CHST9: variants seen among roughly 807,000 people sequenced by gnomAD.
CHST9 encodes the protein GalNAc-4-sulfotransferase 2.
In CHST9, 41 loss-of-function variants were observed where a neutral mutation model predicts 44.4. The ratio of observed to expected loss-of-function variants is 0.92; its 90% CI spans 0.72 to 1.20. The LOEUF (loss-of-function observed/expected upper bound fraction) is 1.20, where lower values mean the gene tolerates loss of function less well. CHST9 is among the 50% of genes most tolerant of loss of function. CHST9 has a pLI of 0.00. For synonymous variants in CHST9, 171 were observed against 178.4 expected (o/e 0.96, Z 0.33); for missense variants, 504 against 516.5 (o/e 0.98, Z 0.23).
At chr18:27,046,071 A>G (rs2057496509) in intron 3 of CHST9, among the ~76,000 whole-genome samples, 2 of 152,142 alleles carry the variant, frequency 1.3e-5, no homozygotes, top group Non-Finnish European at 2.9e-5. Context: ...TAGACACAAA[A>G]TTAGAAAAAA....
rs765744173 is a variant in CHST9 at position 26,926,974 on chromosome 18, G to A, written c.241-9624C>T. Among the ~76,000 whole-genome samples the A allele has an allele frequency of 5.4e-4, 82 of 152,094 alleles. 1 individual carries two copies. Among genetic ancestry groups the A allele is most frequent in the Non-Finnish European group, 2.4e-4 (16 of 68,012 alleles). On this transcript the variant is annotated intron_variant, in intron 5 of 5. Coordinates refer to ENST00000618847, the MANE Select transcript of CHST9 (RefSeq NM_031422.6). ...TGGGATATGGCTCTTTAATATTTCC[G>A]TGTATTTAGTTGTCTGAAATTAGTA...
intron 4 of CHST9, among the ~76,000 whole-genome samples, chr18:26,987,464 A>G (rs539909474): frequency 6.6e-6 from 1 of 152,306 alleles, no homozygotes; most frequent in East Asian, 1.9e-4. Flanking sequence ...AATAAACATA[A>G]AAAACCGAAA....
At chr18:27,120,359 G>T (rs1225100927) in intron 2 of CHST9, among the ~76,000 whole-genome samples, 1 of 152,134 alleles carries the variant, frequency 6.6e-6, no homozygotes, top group Admixed American at 6.5e-5. Flanking sequence ...AGTAATAACA[G>T]ATGTTATTTT....
At chr18:27,115,063 T>G (rs1290398157) in intron 2 of CHST9, among the ~76,000 whole-genome samples, 7 of 152,148 alleles carry the variant, frequency 4.6e-5, no homozygotes, top group African/African-American at 1.7e-4. Flanking sequence ...TTGCACTCAC[T>G]CTGTCCTGCT....
chr18:27,167,117 G>C (rs1028743902), intron 1 of CHST9, among the ~76,000 whole-genome samples: 2 of 152,186 alleles, frequency 1.3e-5, no homozygotes, highest in Admixed American at 6.5e-5. Context: ...TTTCTCTTAG[G>C]AATTTCATCT....
chr18:27,143,791 G>A (rs2058588569), intron 1 of CHST9, among the ~76,000 whole-genome samples: 1 of 151,894 alleles, frequency 6.6e-6, no homozygotes, highest in Non-Finnish European at 1.5e-5. Flanking sequence ...AGGGCCTCTT[G>A]GGGGATGGGG....
At chr18:27,182,552 C>A (rs1181802136) in intron 1 of CHST9, among the ~76,000 whole-genome samples, 3 of 152,128 alleles carry the variant, frequency 2.0e-5, no homozygotes, top group African/African-American at 7.2e-5. Flanking sequence ...TCCTAATGTG[C>A]TGGCTAGGCT....
intron 1 of CHST9, among the ~76,000 whole-genome samples, chr18:27,164,616 C>CT (rs2058775910): frequency 6.6e-6 from 1 of 152,122 alleles, no homozygotes; most frequent in Admixed American, 6.5e-5. Context: ...AGAGATCACT[C>CT]TGAGTACTTA....
At chr18:27,181,878 C>T (rs1335218162) in intron 1 of CHST9, among the ~76,000 whole-genome samples, 1 of 152,186 alleles carries the variant, frequency 6.6e-6, no homozygotes, top group Admixed American at 6.5e-5. Context: ...CAGGTTTGCT[C>T]ACTTCTGCCA....
chr18:27,149,871 T>C (rs1038821695), intron 1 of CHST9, among the ~76,000 whole-genome samples: 3 of 152,082 alleles, frequency 2.0e-5, no homozygotes, highest in African/African-American at 4.8e-5. Flanking sequence ...ACTTATTTCA[T>C]ATTCACTTGT....
At chr18:26,940,646 T>C (rs1466292063) in intron 5 of CHST9, among the ~76,000 whole-genome samples, 4 of 151,190 alleles carry the variant, frequency 2.6e-5, no homozygotes, top group Admixed American at 6.6e-5. Context: ...TTGGGAGAGG[T>C]CAACAGGAGA....
chr18:27,177,108 T>C (rs905717068), intron 1 of CHST9, among the ~76,000 whole-genome samples: 1 of 151,964 alleles, frequency 6.6e-6, no homozygotes, highest in Non-Finnish European at 1.5e-5. Flanking sequence ...AAATTCCTAA[T>C]TGAAAATAGA....
intron 4 of CHST9, among the ~76,000 whole-genome samples, chr18:27,010,492 G>A (rs2057070430): frequency 6.6e-6 from 1 of 152,156 alleles, no homozygotes; most frequent in Admixed American, 6.5e-5. Context: ...CAGGGCAAGT[G>A]CAATGGGAGG....
intron 2 of CHST9, among the ~76,000 whole-genome samples, chr18:27,092,629 G>T (rs1194817180): frequency 2.0e-5 from 3 of 152,154 alleles, no homozygotes; most frequent in African/African-American, 7.2e-5. Flanking sequence ...GTGTCCCAGA[G>T]ATTCTGGTAT....
At chr18:26,998,008 C>G (rs1416925799) in intron 4 of CHST9, among the ~76,000 whole-genome samples, 2 of 152,200 alleles carry the variant, frequency 1.3e-5, no homozygotes, top group African/African-American at 4.8e-5. Flanking sequence ...AATTTTGCAT[C>G]TTTTTTTGTT....
At chr18:27,103,643 T>C (rs1298576481) in intron 2 of CHST9, among the ~76,000 whole-genome samples, 2 of 152,212 alleles carry the variant, frequency 1.3e-5, no homozygotes, top group Non-Finnish European at 2.9e-5. Context: ...TCATTTACAA[T>C]CAATAAGGAT....
At chr18:27,156,109 A>T (rs556432673) in intron 1 of CHST9, among the ~76,000 whole-genome samples, 8 of 152,184 alleles carry the variant, frequency 5.3e-5, no homozygotes, top group African/African-American at 1.9e-4. Context: ...AACAAGTACA[A>T]GGAAAGGATT....
intron 2 of CHST9, among the ~76,000 whole-genome samples, chr18:27,101,678 A>C (rs533794894): frequency 6.6e-6 from 1 of 152,268 alleles, no homozygotes; most frequent in African/African-American, 2.4e-5. Flanking sequence ...AACTACTATA[A>C]ATGACATCTC....
chr18:26,919,016 A>G (rs1357197967), intron 5 of CHST9, among the ~76,000 whole-genome samples: 1 of 152,192 alleles, frequency 6.6e-6, no homozygotes, highest in Non-Finnish European at 1.5e-5. Context: ...CCTGTCTTAT[A>G]TGGTGGCAGG....
Sources: gnomAD v4.1 joint callset for allele counts (sites outside exome capture counted in the v4.1 genomes callset) on GRCh38, gnomAD v4.1.1 for gene constraint, MANE v1.5 for transcripts, NCBI Gene and HGNC (gene_info 2026-07-23, HGNC 2026-07-21) for gene names.